CD44: variants seen among roughly 807,000 people sequenced by gnomAD.
CD44 encodes the protein CD44 antigen.
Under a neutral mutation model 88.8 loss-of-function variants are expected in CD44, and 49 were observed. That is an observed-to-expected ratio of 0.55 (90% CI 0.44 to 0.70). The LOEUF is 0.70. Among genes scored for constraint, CD44 ranks in the 30% least tolerant of loss-of-function variants. CD44 has a pLI of 0.00. For missense variants in CD44, 883 were observed against 913.8 expected (o/e 0.97, Z 0.43); for synonymous variants, 325 against 312.3 (o/e 1.04, Z -0.43).
intron 12 of CD44, among the ~76,000 whole-genome samples, chr11:35,209,276 C>T (rs897725006): frequency 7.2e-5 from 11 of 152,184 alleles, no homozygotes; most frequent in African/African-American, 2.4e-4. Context: ...AATGGGTCAA[C>T]CTCCAGTTGA....
At chr11:35,189,620 C>T (rs1383066297) in intron 4 of CD44, among the ~76,000 whole-genome samples, 2 of 152,162 alleles carry the variant, frequency 1.3e-5, no homozygotes, top group Admixed American at 1.3e-4. Flanking sequence ...GGATGGGACT[C>T]TCCAGTACTT....
intron 4 of CD44, among the ~76,000 whole-genome samples, chr11:35,189,567 G>A (rs1418824509): frequency 6.6e-6 from 1 of 152,174 alleles, no homozygotes; most frequent in Admixed American, 6.5e-5. Flanking sequence ...GAAGCTCAGA[G>A]TTGCCTTGTC....
chr11:35,197,719 C>CAAAAAAA (rs550761818), intron 6 of CD44: 2 of 81,104 alleles, frequency 2.5e-5, no homozygotes, highest in African/African-American at 4.7e-5. Context: ...GTGTCTTGAC[C>CAAAAAAA]AAAAAAAAAA....
intron 3 of CD44, among the ~76,000 whole-genome samples, chr11:35,184,868 AACATCTTAGG>A (rs375360152): frequency 0.15 from 22,660 of 152,238 alleles, 1,835 homozygotes; most frequent in Admixed American, 0.21. Flanking sequence ...TTAGGGGGCT[AACATCTTAGG>A]TGTGTTTACT....
intron 1 of CD44, among the ~76,000 whole-genome samples, chr11:35,145,137 G>A (rs1350348939): frequency 6.6e-6 from 1 of 152,182 alleles, no homozygotes; most frequent in Non-Finnish European, 1.5e-5. Context: ...CCCTTAAAGG[G>A]GAAAATAACC....
At chr11:35,192,967 A>G (rs1455462169) in intron 5 of CD44, among the ~76,000 whole-genome samples, 1 of 151,074 alleles carries the variant, frequency 6.6e-6, no homozygotes, top group Non-Finnish European at 1.5e-5. Flanking sequence ...CTCTGGTACT[A>G]TTTTTTCCTG....
At chr11:35,155,289 A>G (rs1352840514) in intron 1 of CD44, among the ~76,000 whole-genome samples, 4 of 152,210 alleles carry the variant, frequency 2.6e-5, no homozygotes, top group Admixed American at 2.6e-4. Context: ...TCTGAATAAA[A>G]TTGCACTTCA....
intron 1 of CD44, among the ~76,000 whole-genome samples, chr11:35,158,131 T>G (rs1490863930): frequency 6.6e-6 from 1 of 152,240 alleles, no homozygotes; most frequent in Non-Finnish European, 1.5e-5. Flanking sequence ...AAAACTCATC[T>G]GGTTTCTTCT....
chr11:35,177,423 G>A (rs1944579986), intron 2 of CD44, among the ~76,000 whole-genome samples: 1 of 152,214 alleles, frequency 6.6e-6, no homozygotes, highest in African/African-American at 2.4e-5. Flanking sequence ...CGGTGCACAA[G>A]AAGAGCAAGC....
chr11:35,187,154 A>G (rs545394801), intron 4 of CD44, among the ~76,000 whole-genome samples: 1 of 152,050 alleles, frequency 6.6e-6, no homozygotes, highest in Non-Finnish European at 1.5e-5. Context: ...GGTGCCTGTA[A>G]TCCCAGCTGC....
Position 35,189,915 on chromosome 11 carries a change from C to T in CD44, c.517C>T (p.Pro173Ser), listed in dbSNP as rs745447185. ...TCCTGAAGACATCTACCCCAGCAACCCTACTGATGATGACGTGAGCAGCGG... is the reference window on the plus strand; with the variant it reads ...TCCTGAAGACATCTACCCCAGCAACTCTACTGATGATGACGTGAGCAGCGG... ...TNPEDIYPSN[P>S]TDDDVSSGSS... The change falls in exon 5 of 18, where the codon CCT becomes TCT. Residue 173 changes from proline to serine, a missense_variant. Transcript: ENST00000428726. 7 of 1,614,020 alleles carry T rather than the reference C, an allele frequency of 4.3e-6. No individual in the cohort carries two copies. The highest frequency in any genetic ancestry group is 4.0e-5 in the African/African-American group (3 of 74,906).
intron 1 of CD44, among the ~76,000 whole-genome samples, chr11:35,140,416 G>A (rs370217809): frequency 2.7e-3 from 416 of 152,308 alleles, no homozygotes; most frequent in African/African-American, 9.2e-3. Flanking sequence ...AGCTCAGCCT[G>A]CATGCAGTAA....
chr11:35,144,612 G>A (rs1858734211), intron 1 of CD44, among the ~76,000 whole-genome samples: 1 of 152,188 alleles, frequency 6.6e-6, no homozygotes, highest in Non-Finnish European at 1.5e-5. Flanking sequence ...ACTTGCCAGA[G>A]TAAACCGGAA....
At chr11:35,211,674 A>ATG (rs57790931) in intron 14 of CD44, among the ~76,000 whole-genome samples, 2,076 of 149,112 alleles carry the variant, frequency 0.014, 23 homozygotes, top group Non-Finnish European at 0.021. Context: ...CTGTGTTTGC[A>ATG]TGTGTGTGTG....
chr11:35,159,872 G>C (rs1565030894), intron 1 of CD44, among the ~76,000 whole-genome samples: 2 of 152,162 alleles, frequency 1.3e-5, no homozygotes, highest in African/African-American at 4.8e-5. Context: ...GATTAATCCT[G>C]TTCTTCTGTC....
intron 1 of CD44, among the ~76,000 whole-genome samples, chr11:35,146,330 A>G (rs1859164081): frequency 6.6e-6 from 1 of 152,218 alleles, no homozygotes; most frequent in Non-Finnish European, 1.5e-5. Flanking sequence ...CACATAGACC[A>G]GTCATTTTGA....
chr11:35,169,955 T>C (rs1943696842), intron 1 of CD44, among the ~76,000 whole-genome samples: 1 of 152,214 alleles, frequency 6.6e-6, no homozygotes, highest in African/African-American at 2.4e-5. Flanking sequence ...TGTGCCTCAG[T>C]TTCCTCATCT....
At chr11:35,218,874 A>T (rs1949058673) in intron 15 of CD44, 1 of 161,044 alleles carries the variant, frequency 6.2e-6, no homozygotes, top group South Asian at 1.8e-4. Flanking sequence ...ACCACACACA[A>T]CTACCAATAC....
chr11:35,223,538 C>T (rs1449396823), intron 17 of CD44, among the ~76,000 whole-genome samples: 1 of 152,160 alleles, frequency 6.6e-6, no homozygotes, highest in East Asian at 1.9e-4. Context: ...GTCTTGTCAG[C>T]AGCAGACAGC....
Sources: allele counts gnomAD v4.1 joint callset (sites outside exome capture counted in the v4.1 genomes callset), GRCh38; gene constraint gnomAD v4.1.1; transcripts MANE v1.5; gene names NCBI Gene and HGNC (gene_info 2026-07-23, HGNC 2026-07-21).